GRM5: variants seen among roughly 807,000 people sequenced by gnomAD.
The protein encoded by GRM5 is metabotropic glutamate receptor 5.
GRM5 carries 19 observed loss-of-function variants against 83.1 expected under a neutral mutation model. That is an observed-to-expected ratio of 0.23 (90% CI 0.16 to 0.34). The LOEUF is 0.34. GRM5 is among the 10% of genes least tolerant of loss of function. The pLI is 1.00. For missense variants in GRM5, 1,160 were observed against 1,588.3 expected (o/e 0.73, Z 4.58); for synonymous variants, 675 against 633.6 (o/e 1.07, Z -0.98).
At chr11:88,709,231 T>C (rs11021026) in intron 3 of GRM5, among the ~76,000 whole-genome samples, 37,906 of 151,588 alleles carry the variant, frequency 0.25, 4,870 homozygotes, top group Middle Eastern at 0.3. Context: ...GAGTGGCATG[T>C]GCAAAGACAT....
At chr11:88,791,952 A>G (rs996690188) in intron 3 of GRM5, among the ~76,000 whole-genome samples, 1 of 152,078 alleles carries the variant, frequency 6.6e-6, no homozygotes, top group Non-Finnish European at 1.5e-5. Flanking sequence ...AAAGAGTAAA[A>G]TGGATTTTAT....
intron 8 of GRM5, among the ~76,000 whole-genome samples, chr11:88,557,489 A>C (rs1243188569): frequency 2.0e-5 from 3 of 152,144 alleles, no homozygotes; most frequent in African/African-American, 7.2e-5. Flanking sequence ...GGGTGTTAAG[A>C]AGGGAAAAGA....
intron 2 of GRM5, among the ~76,000 whole-genome samples, chr11:89,043,212 A>G (rs1195868515): frequency 6.6e-6 from 1 of 152,186 alleles, no homozygotes; most frequent in Non-Finnish European, 1.5e-5. Context: ...TTGAGCACAT[A>G]TTATATGATG....
At chr11:88,896,642 T>C (rs547341618) in intron 2 of GRM5, among the ~76,000 whole-genome samples, 1 of 151,888 alleles carries the variant, frequency 6.6e-6, no homozygotes, top group African/African-American at 2.4e-5. Context: ...AGAGGGCCAA[T>C]GATGTGAGTC....
At chr11:88,628,839 C>G (rs1938879230) in intron 4 of GRM5, among the ~76,000 whole-genome samples, 1 of 152,150 alleles carries the variant, frequency 6.6e-6, no homozygotes, top group Non-Finnish European at 1.5e-5. Context: ...TTTTAAGTGA[C>G]TCAGAGAGCC....
intron 2 of GRM5, among the ~76,000 whole-genome samples, chr11:88,975,879 A>G (rs1939319261): frequency 6.6e-6 from 1 of 152,220 alleles, no homozygotes; most frequent in South Asian, 2.1e-4. Flanking sequence ...TTCCCCATGT[A>G]TAAAATGGAG....
At chr11:88,852,798 A>G in intron 2 of GRM5, among the ~76,000 whole-genome samples, 1 of 152,076 alleles carries the variant, frequency 6.6e-6, no homozygotes, top group East Asian at 1.9e-4. Context: ...AGACAAAGAG[A>G]ATATGTCTTC....
chr11:88,908,775 A>C (rs1945446125), intron 2 of GRM5, among the ~76,000 whole-genome samples: 1 of 152,144 alleles, frequency 6.6e-6, no homozygotes, highest in African/African-American at 2.4e-5. Flanking sequence ...ATCTCAGTTC[A>C]ACCTAAAACT....
At chr11:88,551,586 G>A (rs1338569184) in intron 8 of GRM5, among the ~76,000 whole-genome samples, 1 of 152,134 alleles carries the variant, frequency 6.6e-6, no homozygotes, top group Non-Finnish European at 1.5e-5. Flanking sequence ...ACAAGGTCAA[G>A]CTTTAGAGAA....
chr11:88,524,218 T>TC (rs1407445752), intron 9 of GRM5, among the ~76,000 whole-genome samples: 1 of 40,102 alleles, frequency 2.5e-5, no homozygotes, highest in African/African-American at 5.7e-5. Flanking sequence ...TTCTTTCTTT[T>TC]TTTTTTTTTT....
At chr11:89,032,716 T>C (rs10830202) in intron 2 of GRM5, among the ~76,000 whole-genome samples, 2,168 of 152,150 alleles carry the variant, frequency 0.014, 32 homozygotes, top group Admixed American at 0.028. Context: ...TTGCCTCATT[T>C]CCACAGCAAA....
intron 3 of GRM5, among the ~76,000 whole-genome samples, chr11:88,772,325 C>T (rs956094662): frequency 1.6e-4 from 24 of 152,102 alleles, no homozygotes; most frequent in African/African-American, 5.6e-4. Context: ...AGCTCTTAAC[C>T]GTTTTCTTTG....
intron 2 of GRM5, among the ~76,000 whole-genome samples, chr11:88,998,991 G>A (rs1170286340): frequency 1.3e-5 from 2 of 152,072 alleles, no homozygotes; most frequent in Non-Finnish European, 2.9e-5. Flanking sequence ...ATGGGGAAAG[G>A]ATTCCCTATT....
chr11:88,932,374 T>C (rs1937741690), intron 2 of GRM5, among the ~76,000 whole-genome samples: 1 of 151,966 alleles, frequency 6.6e-6, no homozygotes, highest in Non-Finnish European at 1.5e-5. Context: ...GCTAAAAAAG[T>C]TATAATCATA....
chr11:88,765,751 T>A (rs1300794657), intron 3 of GRM5, among the ~76,000 whole-genome samples: 1 of 151,788 alleles, frequency 6.6e-6, no homozygotes, highest in East Asian at 1.9e-4. Context: ...AAAAAAAAAC[T>A]TAATGAAAAT....
At chr11:88,974,286 A>C (rs1939257857) in intron 2 of GRM5, among the ~76,000 whole-genome samples, 1 of 152,098 alleles carries the variant, frequency 6.6e-6, no homozygotes, top group Admixed American at 6.6e-5. Context: ...TTGCCTTCCC[A>C]GCTTCTGGAG....
chr11:88,583,798 G>C (rs1231430778), intron 7 of GRM5, among the ~76,000 whole-genome samples: 1 of 152,208 alleles, frequency 6.6e-6, no homozygotes, highest in Non-Finnish European at 1.5e-5. Flanking sequence ...ATGCTTTTCA[G>C]ATAATTCTCT....
chr11:88,935,730 C>A (rs1489138532), intron 2 of GRM5, among the ~76,000 whole-genome samples: 3 of 151,894 alleles, frequency 2.0e-5, no homozygotes, highest in Admixed American at 6.6e-5. Flanking sequence ...CAAAGGAATA[C>A]ATATTTTACA....
At chr11:88,835,528 C>A (rs1944079260) in intron 3 of GRM5, among the ~76,000 whole-genome samples, 1 of 152,048 alleles carries the variant, frequency 6.6e-6, no homozygotes, top group Non-Finnish European at 1.5e-5. Context: ...AGATTTTAGG[C>A]CATGTAGTGT....
Sources: gnomAD v4.1 joint callset for allele counts (sites outside exome capture counted in the v4.1 genomes callset) on GRCh38, gnomAD v4.1.1 for gene constraint, MANE v1.5 for transcripts, NCBI Gene and HGNC (gene_info 2026-07-23, HGNC 2026-07-21) for gene names.